Variants in GRIK1 observed in about 807,000 individuals in gnomAD.
The protein encoded by GRIK1 is glutamate ionotropic receptor kainate type subunit 1.
In GRIK1, 69 loss-of-function variants were observed where a neutral mutation model predicts 105.7. That is an observed-to-expected ratio of 0.65 (90% CI 0.54 to 0.80). The LOEUF is 0.80. Ranked by LOEUF, GRIK1 falls within the 30% of genes least tolerant of loss-of-function variation. The probability of loss-of-function intolerance (pLI) is 0.00; values close to 1 mark genes in which losing one functional copy is unlikely to be tolerated. For missense variants in GRIK1, 1,109 were observed against 1,167.3 expected (o/e 0.95, Z 0.73); for synonymous variants, 438 against 431.3 (o/e 1.02, Z -0.19).
chr21:29,774,640 C>T (rs1012959709), intron 1 of GRIK1, among the ~76,000 whole-genome samples: 6 of 152,052 alleles, frequency 3.9e-5, no homozygotes, highest in African/African-American at 1.4e-4. Flanking sequence ...TTAGTGGAGA[C>T]AGGGTTTTAC....
chr21:29,693,269 A>G (rs1601466377), intron 2 of GRIK1, among the ~76,000 whole-genome samples: 3 of 152,340 alleles, frequency 2.0e-5, no homozygotes, highest in Middle Eastern at 6.8e-3. Flanking sequence ...AGCAAGCCCC[A>G]CAATTCCGAA....
chr21:29,927,865 C>T (rs371587716), intron 1 of GRIK1, among the ~76,000 whole-genome samples: 12 of 151,736 alleles, frequency 7.9e-5, no homozygotes, highest in East Asian at 3.9e-4. Flanking sequence ...AGCAAGACTC[C>T]GTCTCAAAAA....
intron 1 of GRIK1, among the ~76,000 whole-genome samples, chr21:29,905,916 C>A (rs1569207602): frequency 6.6e-6 from 1 of 151,854 alleles, no homozygotes; most frequent in African/African-American, 2.4e-5. Context: ...GCGTGAGCCA[C>A]CGCACCTGGC....
intron 7 of GRIK1, among the ~76,000 whole-genome samples, chr21:29,618,353 A>T (rs568812238): frequency 5.1e-4 from 78 of 152,290 alleles, no homozygotes; most frequent in Admixed American, 1.7e-3. Context: ...AAAAAAATTT[A>T]AAAAAGTAGA....
intron 9 of GRIK1, 149 bp downstream of exon 9, chr21:29,596,377 C>T (rs1249501772): frequency 1.3e-6 from 1 of 760,314 alleles, no homozygotes; most frequent in Non-Finnish European, 2.4e-6. Flanking sequence ...ATAACATATT[C>T]AATCACTCCT....
intron 1 of GRIK1, among the ~76,000 whole-genome samples, chr21:29,712,037 T>C (rs959393862): frequency 1.3e-5 from 2 of 151,480 alleles, no homozygotes; most frequent in African/African-American, 4.9e-5. Context: ...TGTGTATTTA[T>C]AAATATGTGT....
rs60193400 is a variant in GRIK1 at position 29,594,621 on chromosome 21, G to C, written c.1251+1905C>G. On this transcript the variant is annotated intron_variant, in intron 9 of 17. Transcript: ENST00000327783. ...GTGTTATCTAGGACAACTGAGAAAA[G>C]CATTTGAAAATGAGTGCCCAAATGA... Among the ~76,000 whole-genome samples, 1,407 of 152,256 alleles carry C rather than the reference G, an allele frequency of 9.2e-3. 28 individuals carry two copies. Among genetic ancestry groups the C allele is most frequent in the African/African-American group, 0.032 (1,343 of 41,558 alleles).
At chr21:29,699,692 A>AG (rs1795023949) in intron 1 of GRIK1, among the ~76,000 whole-genome samples, 1 of 150,478 alleles carries the variant, frequency 6.6e-6, no homozygotes, top group Admixed American at 6.7e-5. Flanking sequence ...ACTGTCACCC[A>AG]GGCTGGAGTG....
chr21:29,738,017 A>G (rs955445663), intron 1 of GRIK1, among the ~76,000 whole-genome samples: 2 of 152,324 alleles, frequency 1.3e-5, no homozygotes, highest in East Asian at 3.9e-4. Flanking sequence ...AATCTCCCCC[A>G]CACTACCAGA....
chr21:29,774,845 C>T (rs1262981354), intron 1 of GRIK1, among the ~76,000 whole-genome samples: 3 of 152,104 alleles, frequency 2.0e-5, no homozygotes, highest in African/African-American at 4.8e-5. Context: ...GCTTGCACAT[C>T]GGAGGACGCT....
At chr21:29,559,071 G>A (rs1421504444) in intron 15 of GRIK1, among the ~76,000 whole-genome samples, 1 of 152,102 alleles carries the variant, frequency 6.6e-6, no homozygotes, top group Non-Finnish European at 1.5e-5. Context: ...AGGGTTATGA[G>A]GTGGGAGATA....
At chr21:29,664,340 A>G (rs2063020592) in intron 4 of GRIK1, among the ~76,000 whole-genome samples, 1 of 152,174 alleles carries the variant, frequency 6.6e-6, no homozygotes, top group Admixed American at 6.5e-5. Flanking sequence ...TACACAAAAG[A>G]CTACTGCTAC....
intron 1 of GRIK1, among the ~76,000 whole-genome samples, chr21:29,838,742 A>G (rs766149254): frequency 6.6e-6 from 1 of 152,260 alleles, no homozygotes; most frequent in Non-Finnish European, 1.5e-5. Flanking sequence ...CTCTAAAATT[A>G]TTAAAGAATG....
intron 1 of GRIK1, chr21:29,760,345 A>G (rs2065476307): frequency 6.6e-6 from 1 of 152,292 alleles, no homozygotes; most frequent in African/African-American, 2.4e-5. Context: ...GGCAATTTCC[A>G]AGGGGACCTC....
At chr21:29,930,954 A>G (rs2071544570) in intron 1 of GRIK1, among the ~76,000 whole-genome samples, 1 of 152,192 alleles carries the variant, frequency 6.6e-6, no homozygotes, top group South Asian at 2.1e-4. Context: ...AGAAACAGTA[A>G]CAGAAGAAAC....
At chr21:29,809,558 T>C (rs901280227) in intron 1 of GRIK1, among the ~76,000 whole-genome samples, 4 of 152,310 alleles carry the variant, frequency 2.6e-5, no homozygotes, top group African/African-American at 9.6e-5. Flanking sequence ...TGAGCTTCTA[T>C]CCAGACCACT....
At chr21:29,919,021 T>C (rs455287) in intron 1 of GRIK1, among the ~76,000 whole-genome samples, 38,598 of 151,374 alleles carry the variant, frequency 0.25, 6,236 homozygotes, top group African/African-American at 0.46. Context: ...CAGCAATGTA[T>C]CAATCCTAGG....
intron 7 of GRIK1, among the ~76,000 whole-genome samples, chr21:29,631,775 A>C (rs965368383): frequency 6.6e-6 from 1 of 152,278 alleles, no homozygotes; most frequent in Admixed American, 6.5e-5. Context: ...ACTGGGTTAA[A>C]TAAAATAAGT....
intron 5 of GRIK1, among the ~76,000 whole-genome samples, chr21:29,653,215 G>A (rs1461334876): frequency 6.6e-6 from 1 of 152,186 alleles, no homozygotes; most frequent in East Asian, 1.9e-4. Flanking sequence ...TAGAAAGACA[G>A]TTAAGTCCAG....
Sources: allele counts gnomAD v4.1 joint callset (sites outside exome capture counted in the v4.1 genomes callset), GRCh38; gene constraint gnomAD v4.1.1; transcripts MANE v1.5; gene names NCBI Gene and HGNC (gene_info 2026-07-23, HGNC 2026-07-21).